Variants in ASCC3 observed in about 807,000 individuals in gnomAD.
The protein encoded by ASCC3 is activating signal cointegrator 1 complex subunit 3, also known as ASC-1 complex subunit P200.
A neutral mutation model predicts 256.3 loss-of-function variants in ASCC3; 158 were observed. That is an observed-to-expected ratio of 0.62 (90% CI 0.54 to 0.70). The LOEUF is 0.70. Among genes scored for constraint, ASCC3 ranks in the 30% least tolerant of loss-of-function variants. The pLI is 0.00. For missense variants in ASCC3, 2,259 were observed against 2,626.0 expected, an observed-to-expected ratio of 0.86 and a Z score of 3.05; for synonymous variants, 948 against 883.4, an observed-to-expected ratio of 1.07 and a Z score of -1.30.
At chr6:100,545,800 T>G (rs1184071650) in intron 36 of ASCC3, among the ~76,000 whole-genome samples, 3 of 152,154 alleles carry the variant, frequency 2.0e-5, no homozygotes, top group Admixed American at 2.0e-4. Flanking sequence ...GAGACTGATC[T>G]CAAACTCCTT....
chr6:100,700,264 C>T (rs1048657842), intron 13 of ASCC3, among the ~76,000 whole-genome samples: 6 of 152,074 alleles, frequency 3.9e-5, no homozygotes, highest in Non-Finnish European at 5.9e-5. Context: ...CAAGTCTTGG[C>T]AGCCTCCATG....
intron 8 of ASCC3, among the ~76,000 whole-genome samples, chr6:100,796,817 A>C (rs938054628): frequency 2.6e-5 from 4 of 152,142 alleles, no homozygotes; most frequent in Admixed American, 2.0e-4. Context: ...TTCACCAAAA[A>C]CTATCAATAA....
intron 13 of ASCC3, among the ~76,000 whole-genome samples, chr6:100,698,725 C>T (rs1209701546): frequency 2.0e-5 from 3 of 152,060 alleles, no homozygotes; most frequent in Admixed American, 2.0e-4. Flanking sequence ...TCTTTACAGA[C>T]CACAGAGGGA....
chr6:100,632,190 A>G (rs2114868650), intron 25 of ASCC3, among the ~76,000 whole-genome samples: 1 of 150,568 alleles, frequency 6.6e-6, no homozygotes, highest in East Asian at 1.9e-4. Flanking sequence ...TCTAAAAAAA[A>G]AAAAAAAAAA....
intron 8 of ASCC3, among the ~76,000 whole-genome samples, chr6:100,780,665 T>C (rs1205201280): frequency 6.6e-6 from 1 of 152,178 alleles, no homozygotes; most frequent in Non-Finnish European, 1.5e-5. Flanking sequence ...ACATTAGTCT[T>C]TCTCTTGATG....
chr6:100,642,550 C>T, intron 24 of ASCC3, 31 bp downstream of exon 24: 1 of 1,610,744 alleles, frequency 6.2e-7, no homozygotes, highest in Non-Finnish European at 8.5e-7. Flanking sequence ...TTGGAAAAAT[C>T]AATGATTCAA....
chr6:100,568,907 A>C (rs1770427542), intron 36 of ASCC3, among the ~76,000 whole-genome samples: 1 of 151,604 alleles, frequency 6.6e-6, no homozygotes, highest in Admixed American at 6.6e-5. Flanking sequence ...CCTCCCGAGT[A>C]ACTGGGACTA....
chr6:100,631,072 T>C, intron 26 of ASCC3, 56 bp downstream of exon 26: 1 of 1,273,900 alleles, frequency 7.8e-7, no homozygotes, highest in Non-Finnish European at 1.1e-6. Context: ...AACTCTTATT[T>C]CCTGGTCCTT....
intron 8 of ASCC3, among the ~76,000 whole-genome samples, chr6:100,787,289 AAAT>A (rs1294976419): frequency 1.3e-5 from 2 of 152,142 alleles, no homozygotes; most frequent in Non-Finnish European, 2.9e-5. Flanking sequence ...AAGAGTTTTA[AAAT>A]AATACCAGAA....
rs1237543216 is a variant in ASCC3, at chr6:100,508,533, G to A, written c.*853C>T. The A allele has an allele frequency of 1.3e-5, 2 of 152,094 alleles. No individual in the cohort carries two copies. The highest frequency in any genetic ancestry group is 2.9e-5 in the Non-Finnish European group (2 of 67,990). The allele number at this position is 152,094 out of a possible 1,614,324, so 9.4% of individuals were successfully genotyped here. A position where few individuals can be genotyped will look rare whatever the true frequency, so the allele number is the denominator to read the frequency against. On this transcript the variant is annotated 3_prime_UTR_variant, in exon 42 of 42. Coordinates refer to ENST00000369162, the MANE Select transcript of ASCC3 (RefSeq NM_006828.4). Reference sequence around the variant, plus strand: ...TTTTCTGTCTCAGATTTTTCCTGGAGAGCATAAAGACAAATAATTGTACTA... The same window carrying A: ...TTTTCTGTCTCAGATTTTTCCTGGAAAGCATAAAGACAAATAATTGTACTA...
chr6:100,715,878 C>T (rs1779065500), intron 12 of ASCC3, among the ~76,000 whole-genome samples: 2 of 151,644 alleles, frequency 1.3e-5, no homozygotes, highest in Admixed American at 1.3e-4. Flanking sequence ...GCCCATTCTC[C>T]AGGCTATTTT....
intron 8 of ASCC3, among the ~76,000 whole-genome samples, chr6:100,796,020 T>C (rs1254060996): frequency 1.3e-5 from 2 of 152,202 alleles, no homozygotes; most frequent in Non-Finnish European, 2.9e-5. Context: ...GTTTATTTAT[T>C]TATAATGACA....
At chr6:100,532,402 ATATATTTTTTT>A (rs1370366842) in intron 37 of ASCC3, among the ~76,000 whole-genome samples, 15 of 62,372 alleles carry the variant, frequency 2.4e-4, no homozygotes, top group East Asian at 1.2e-3. Context: ...ATATATATAT[ATATATTTTTTT>A]TTTTTTTTTT....
chr6:100,749,248 T>C (rs750150255), intron 10 of ASCC3, among the ~76,000 whole-genome samples: 2 of 151,688 alleles, frequency 1.3e-5, no homozygotes, highest in Non-Finnish European at 3.0e-5. Context: ...TTGGTATATC[T>C]AAGATAGGAA....
intron 10 of ASCC3, among the ~76,000 whole-genome samples, chr6:100,727,399 G>T (rs909551561): frequency 6.6e-6 from 1 of 151,978 alleles, no homozygotes; most frequent in Non-Finnish European, 1.5e-5. Context: ...TTATGAGAGA[G>T]ATCATAAAAT....
chr6:100,528,295 G>C (rs979426378), intron 37 of ASCC3, among the ~76,000 whole-genome samples: 1 of 152,054 alleles, frequency 6.6e-6, no homozygotes, highest in African/African-American at 2.4e-5. Context: ...GAGATTAAGA[G>C]GTCAAATTAT....
intron 14 of ASCC3, among the ~76,000 whole-genome samples, chr6:100,663,349 A>G (rs756563456): frequency 5.3e-5 from 8 of 152,096 alleles, no homozygotes; most frequent in Non-Finnish European, 1.2e-4. Context: ...TTTAAGTTAC[A>G]TGCTCTTCTG....
intron 8 of ASCC3, among the ~76,000 whole-genome samples, chr6:100,781,550 A>ATT (rs11289263): frequency 1.5e-5 from 2 of 130,856 alleles, no homozygotes; most frequent in Admixed American, 7.7e-5. Flanking sequence ...CGCCTGGCTA[A>ATT]TTTTTTTTTT....
At chr6:100,811,160 C>G (rs906584806) in intron 4 of ASCC3, among the ~76,000 whole-genome samples, 2 of 152,100 alleles carry the variant, frequency 1.3e-5, no homozygotes, top group Admixed American at 6.6e-5. Context: ...GAATGATAGG[C>G]CCATTTGTCC....
Sources: gnomAD v4.1 joint callset for allele counts (sites outside exome capture counted in the v4.1 genomes callset) on GRCh38, gnomAD v4.1.1 for gene constraint, MANE v1.5 for transcripts, NCBI Gene and HGNC (gene_info 2026-07-23, HGNC 2026-07-21) for gene names.